Variants in PET100 observed in about 807,000 individuals in gnomAD.
The protein encoded by PET100 is PET100 cytochrome c oxidase chaperone.
In PET100, 13 loss-of-function variants were observed where a neutral mutation model predicts 13.6. The observed-to-expected ratio is 0.96, with a 90% CI of 0.62 to 1.52. The LOEUF is 1.52. Ranked by LOEUF, PET100 falls within the 40% of genes most tolerant of loss-of-function variation. PET100 has a pLI of 0.00. For synonymous variants in PET100, 28 were observed against 30.8 expected, an observed-to-expected ratio of 0.91 and a Z score of 0.30; for missense variants, 94 against 95.3, an observed-to-expected ratio of 0.99 and a Z score of 0.06.
chr19:7,631,411 G>GCCGCCCCCCC, intron 3 of PET100, 62 bp from the exon 4 acceptor site: 1 of 886,146 alleles, frequency 1.1e-6, no homozygotes, highest in Non-Finnish European at 1.7e-6. Flanking sequence ...GGGGGGGGTG[G>GCCGCCCCCCC]TCCCGGCTCT....
Position 7,631,806 on chromosome 19 carries a change from G to A in PET100, c.*250G>A, listed in dbSNP as rs536672303. On this transcript the variant is annotated 3_prime_UTR_variant, in exon 4 of 4. Transcript: ENST00000594797. ...GGGTCCCAGCTCGTTTCTGTGCTCC[G>A]TCCTGTGGATGAAGAGGGGTCAGCC... The A allele has an allele frequency of 1.6e-5, 22 of 1,405,152 alleles. No individual in the cohort carries two copies. Among genetic ancestry groups the A allele is most frequent in the South Asian group, 5.7e-5 (3 of 52,402 alleles). The allele number at this position is 1,405,152 out of a possible 1,614,324, so 87.0% of individuals were successfully genotyped here.
At chr19:7,630,784 G>T (rs1338076396) in intron 2 of PET100, 39 bp from the exon 3 acceptor site, 47 of 1,537,132 alleles carry the variant, frequency 3.1e-5, no homozygotes, top group Non-Finnish European at 4.0e-5. Flanking sequence ...GGCTCTGGAG[G>T]CCTTTGGCTC....
At chr19:7,629,967 G>A (rs1225232101) in intron 1 of PET100, 107 bp downstream of exon 1, 7 of 1,313,968 alleles carry the variant, frequency 5.3e-6, no homozygotes, top group Non-Finnish European at 7.1e-6. Flanking sequence ...GCTCCAAGGA[G>A]AAAGCTCTTA....
rs772121229 is a variant in PET100, at chr19:7,631,726, C to T, written c.*170C>T. 18 of 1,438,872 alleles carry T rather than the reference C, an allele frequency of 1.3e-5. No homozygotes were observed. The highest frequency in any genetic ancestry group is 3.2e-5 in the South Asian group (2 of 62,538). The allele number at this position is 1,438,872 out of a possible 1,614,324, so 89.1% of individuals were successfully genotyped here. A position where few individuals can be genotyped will look rare whatever the true frequency, so the allele number is the denominator to read the frequency against. On this transcript the variant is annotated 3_prime_UTR_variant, in exon 4 of 4. Transcript: ENST00000594797. ...TGTCGGGGGCTGGGGGCTGCTGTTC[C>T]GACGGAAGCCGAGAGCGGTCGGGTC... is the stretch of plus-strand genomic sequence containing the variant.
In PET100 at chr19:7,631,301, G is replaced by A. The variant is rs150825159; in HGVS notation, c.139-172G>A. The A allele has an allele frequency of 1.7e-4, 242 of 1,412,512 alleles. 2 individuals are homozygous for A. In the East Asian group the frequency reaches 4.7e-3, roughly 28 times the overall value. 87.5% of individuals were successfully genotyped at this position (1,412,512 alleles called of 1,614,324 possible). A position where few individuals can be genotyped will look rare whatever the true frequency, so the allele number is the denominator to read the frequency against. On this transcript the variant is annotated intron_variant, in intron 3 of 3. Transcript: ENST00000594797. ...TTGCCTTCTCCTGGAAGAGTGAAGC[G>A]GATCCCACGCGGACCCCTTTGTAAT... is the stretch of plus-strand genomic sequence containing the variant.
intron 1 of PET100, chr19:7,630,190 C>G (rs2031244548): frequency 4.3e-6 from 2 of 462,046 alleles, no homozygotes; most frequent in Non-Finnish European, 7.7e-6. Context: ...GTGTCTATGA[C>G]AGGGAGATTC....
At chr19:7,630,475 G>A in intron 1 of PET100, 98 bp from the exon 2 acceptor site, 1 of 960,154 alleles carries the variant, frequency 1.0e-6, no homozygotes, top group Non-Finnish European at 1.6e-6. Flanking sequence ...GTAACGAGGC[G>A]CTTCTGGACT....
At chr19:7,630,348 A>C in intron 1 of PET100, 1 of 576,334 alleles carries the variant, frequency 1.7e-6, no homozygotes, top group Non-Finnish European at 3.1e-6. Context: ...GTTTGAGAGG[A>C]AGACTCCAGC....
rs2031297695 is a variant in PET100, at chr19:7,631,484, A to G, written c.150A>G (p.Ile50Met). ...TTCTCCACCCCTAGCTTCAAGAGAT[A>G]GAGGAATTCAAAGAGAGGTTACGGA... is the stretch of plus-strand genomic sequence containing the variant. ...ELWPPEKLQE[I>M]EEFKERLRKR... is the part of the protein sequence containing the mutation. Residue 50 changes from isoleucine (I) to methionine (M), a missense_variant, in exon 4 of 4, where the codon ATA becomes ATG. Transcript: ENST00000594797. 1.3e-6 allele frequency: 2 copies of G among 1,536,132 alleles called. No individual in the cohort carries two copies. Among genetic ancestry groups the G allele is most frequent in the South Asian group, 1.2e-5 (1 of 84,024 alleles).
At chr19:7,631,410 G>A (rs931450970) in intron 3 of PET100, 63 bp from the exon 4 acceptor site, 3 of 821,206 alleles carry the variant, frequency 3.7e-6, no homozygotes, top group African/African-American at 2.2e-5. Flanking sequence ...GGGGGGGGGT[G>A]GTCCCGGCTC....
chr19:7,631,874 A>G lies in PET100; in HGVS notation c.*318A>G. ...GCAGTGCCGGCCACAGGTGGCGAAC[A>G]ATGGAGAGAGGGTGCAGGTAGCCAC... On this transcript the variant is annotated 3_prime_UTR_variant, in exon 4 of 4. Coordinates refer to ENST00000594797, the MANE Select transcript of PET100 (RefSeq NM_001171155.2). The G allele has an allele frequency of 7.4e-7, 1 of 1,359,190 alleles. No individual in the cohort carries two copies. The allele number at this position is 1,359,190 out of a possible 1,614,324, so 84.2% of individuals were successfully genotyped here.
intron 3 of PET100, 100 bp downstream of exon 3, chr19:7,630,946 A>T (rs1231984515): frequency 7.0e-7 from 1 of 1,421,998 alleles, no homozygotes; most frequent in African/African-American, 1.4e-5. Context: ...GCAGTGGCTC[A>T]TGCTTGTAAT....
Position 7,629,843 on chromosome 19 carries a change from A to ATTC in PET100, c.10_11insTTC (p.Lys4delinsIleGln). On this transcript the variant is annotated protein_altering_variant, in exon 1 of 4. Coordinates refer to ENST00000594797, the MANE Select transcript of PET100 (RefSeq NM_001171155.2). ...GACCGGGAGAAACGAGATGGGGGTG[A>ATTC]AGCTGGAGATATTTCGGGTCAGTGG... 6.5e-7 allele frequency: 1 copy of ATTC among 1,535,984 alleles called. No individual in the cohort carries two copies. Among genetic ancestry groups the ATTC allele is most frequent in the Non-Finnish European group, 8.7e-7 (1 of 1,146,448 alleles).
intron 2 of PET100, 49 bp downstream of exon 2, chr19:7,630,708 G>T: frequency 1.3e-6 from 2 of 1,531,584 alleles, no homozygotes; most frequent in Non-Finnish European, 1.8e-6. Context: ...GTGGGAGAGG[G>T]TGTGGGGCAG....
rs766578831 is a variant in PET100 at position 7,631,789 on chromosome 19, G to C, written c.*233G>C. ...CAGGGGTTGGGGACTGAGGGTCCCA[G>C]CTCGTTTCTGTGCTCCGTCCTGTGG... On this transcript the variant is annotated 3_prime_UTR_variant, in exon 4 of 4. Coordinates refer to ENST00000594797, the MANE Select transcript of PET100 (RefSeq NM_001171155.2). 3 of 1,423,064 alleles carry C rather than the reference G, an allele frequency of 2.1e-6. No individual in the cohort carries two copies. 88.2% of individuals were successfully genotyped at this position (1,423,064 alleles called of 1,614,324 possible). A position where few individuals can be genotyped will look rare whatever the true frequency, so the allele number is the denominator to read the frequency against.
Position 7,630,147 on chromosome 19 carries a change from T to A in PET100, c.27+287T>A, listed in dbSNP as rs1456696684. ...GGCTCTAAAGAAGGAAGACTTAAGATCCTGGGGGAGCTCTCGGGCTCGTGG... is the reference window on the plus strand; with the variant it reads ...GGCTCTAAAGAAGGAAGACTTAAGAACCTGGGGGAGCTCTCGGGCTCGTGG... On this transcript the variant is annotated intron_variant, in intron 1 of 3. Transcript: ENST00000594797. The A allele has an allele frequency of 5.1e-5, 23 of 448,976 alleles. 1 individual carries two copies. 27.8% of individuals were successfully genotyped at this position (448,976 alleles called of 1,614,324 possible). A position where few individuals can be genotyped will look rare whatever the true frequency, so the allele number is the denominator to read the frequency against.
Position 7,631,516 on chromosome 19 carries a change from G to T in PET100, c.182G>T (p.Arg61Leu), listed in dbSNP as rs1289829973. 6.5e-7 allele frequency: 1 copy of T among 1,536,248 alleles called. No individual in the cohort carries two copies. Among genetic ancestry groups the T allele is most frequent in the African/African-American group, 1.4e-5 (1 of 73,130 alleles). The change falls in exon 4 of 4, where the codon CGG becomes CTG. Residue 61 changes from arginine (R) to leucine (L), a missense_variant. Physicochemically the swap from Arg to Leu is moderately radical, Grantham distance 102 (BLOSUM62 -2). Coordinates refer to ENST00000594797, the MANE Select transcript of PET100 (RefSeq NM_001171155.2). The part of the protein sequence containing the change: ...EEFKERLRKR[R>L]EEKLLRDAQQ... ...TTCAAAGAGAGGTTACGGAAGCGGC[G>T]GGAGGAGAAGCTCCTTCGCGACGCC... is the stretch of plus-strand genomic sequence containing the variant.
In PET100 at chr19:7,630,852, T is replaced by TG; in HGVS notation, c.138+7dup. The TG allele has an allele frequency of 6.5e-7, 1 of 1,537,234 alleles. No individual in the cohort carries two copies. The highest frequency in any genetic ancestry group is 1.2e-5 in the South Asian group (1 of 84,058). On this transcript the variant is annotated splice_region_variant and intron_variant, in intron 3 of 3. Coordinates refer to ENST00000594797, the MANE Select transcript of PET100 (RefSeq NM_001171155.2). ...AGCTGTGGCCACCTGAGAAGGTAAG[T>TG]GATCTCTTCTTCCTGCCAGAGGGAT...
chr19:7,631,604 T>A lies in PET100; in HGVS notation c.*48T>A. On this transcript the variant is annotated 3_prime_UTR_variant, in exon 4 of 4. Coordinates refer to ENST00000594797, the MANE Select transcript of PET100 (RefSeq NM_001171155.2). ...CCCCTCCCCTGATGAAATATACATA[T>A]ACTCAGTTCCTTGTTATTCATTTAA... The A allele has an allele frequency of 1.3e-6, 2 of 1,486,886 alleles. No individual in the cohort carries two copies. Among genetic ancestry groups the A allele is most frequent in the Non-Finnish European group, 1.8e-6 (2 of 1,119,784 alleles). 92.1% of individuals were successfully genotyped at this position (1,486,886 alleles called of 1,614,324 possible). A position where few individuals can be genotyped will look rare whatever the true frequency, so the allele number is the denominator to read the frequency against.
Sources: allele counts gnomAD v4.1 joint callset, GRCh38; gene constraint gnomAD v4.1.1; transcripts MANE v1.5; gene names NCBI Gene and HGNC (gene_info 2026-07-23, HGNC 2026-07-21).